Variants in VASH1 observed in about 807,000 individuals in gnomAD.
VASH1 encodes the protein vasohibin 1.
A neutral mutation model predicts 35.0 loss-of-function variants in VASH1; 16 were observed. The observed-to-expected ratio is 0.46, with a 90% CI of 0.31 to 0.70. VASH1 has a LOEUF of 0.70. VASH1 is among the 30% of genes least tolerant of loss of function. VASH1 has a pLI of 0.05. For missense variants in VASH1, 505 were observed against 510.7 expected (o/e 0.99, Z 0.11); for synonymous variants, 214 against 200.9 (o/e 1.07, Z -0.55).
chr14:76,776,371 G>A, intron 5 of VASH1, 98 bp downstream of exon 5: 1 of 1,413,422 alleles, frequency 7.1e-7, no homozygotes, highest in Non-Finnish European at 9.3e-7. Flanking sequence ...GCTTCTCAGG[G>A]GACTGGGGTG....
At position 76,763,009 on chromosome 14, in the gene VASH1, A is replaced by G. The variant is rs980518946; in HGVS notation, c.188A>G (p.Asn63Ser). The change falls in exon 1 of 7, where the codon AAC becomes AGC. Residue 63 changes from asparagine to serine, a missense_variant. Physicochemically the swap from Asn to Ser is conservative, Grantham distance 46 (BLOSUM62 1). Coordinates refer to ENST00000167106, the MANE Select transcript of VASH1 (RefSeq NM_014909.5). ...GACGGAGGCGTCCCCTTCTTTGTCA[A>G]CCGGGGTGGGCTACCTGTGGATGAG... ...LRDGGVPFFV[N>S]RGGLPVDEAT... 9 of 1,549,034 alleles carry G rather than the reference A, an allele frequency of 5.8e-6. No homozygotes were observed. Among genetic ancestry groups the G allele is most frequent in the East Asian group, 2.4e-5 (1 of 40,964 alleles).
Position 76,762,714 on chromosome 14 carries a change from A to G in VASH1, c.-108A>G, listed in dbSNP as rs763581233. The G allele has an allele frequency of 4.9e-6, 5 of 1,021,724 alleles. No individual in the cohort carries two copies. Among genetic ancestry groups the G allele is most frequent in the Non-Finnish European group, 6.7e-6 (5 of 744,148 alleles). The allele number at this position is 1,021,724 out of a possible 1,614,324, so 63.3% of individuals were successfully genotyped here. ...ACAGGAGCCACGCCCTGATTTCTTAAAGGCGCCTTGCACTCTGGCCATGTG... is the reference window on the plus strand; with the variant it reads ...ACAGGAGCCACGCCCTGATTTCTTAGAGGCGCCTTGCACTCTGGCCATGTG... On this transcript the variant is annotated 5_prime_UTR_variant, in exon 1 of 7. Coordinates refer to ENST00000167106, the MANE Select transcript of VASH1 (RefSeq NM_014909.5).
intron 5 of VASH1, among the ~76,000 whole-genome samples, chr14:76,777,398 A>G (rs1595279192): frequency 6.6e-6 from 1 of 152,286 alleles, no homozygotes; most frequent in South Asian, 2.1e-4. Context: ...TAGTGTTTAG[A>G]GCTGTGATGG....
chr14:76,769,277 T>C (rs1893726377), intron 1 of VASH1: 1 of 1,285,284 alleles, frequency 7.8e-7, no homozygotes, highest in African/African-American at 1.5e-5. Context: ...CCTGGAAACC[T>C]GTACTGACTA....
intron 5 of VASH1, 127 bp from the exon 6 acceptor site, chr14:76,777,832 A>AG: frequency 3.5e-6 from 2 of 576,680 alleles, no homozygotes; most frequent in South Asian, 3.4e-5. Context: ...CAGACAGGGA[A>AG]GAGCCATGCT....
At chr14:76,765,379 C>T (rs8017640) in intron 1 of VASH1, among the ~76,000 whole-genome samples, 67,616 of 152,012 alleles carry the variant, frequency 0.44, 16,082 homozygotes, top group South Asian at 0.57. Context: ...AAATTTGAAC[C>T]TCCCCCTCTT....
chr14:76,764,194 G>A (rs575533558), intron 1 of VASH1, among the ~76,000 whole-genome samples: 41 of 152,308 alleles, frequency 2.7e-4, no homozygotes, highest in African/African-American at 8.4e-4. Context: ...CAAGTGGCCC[G>A]TTTTGTTTTT....
intron 1 of VASH1, 46 bp downstream of exon 1, chr14:76,763,176 G>A (rs1893550654): frequency 1.0e-5 from 14 of 1,379,128 alleles, no homozygotes; most frequent in Non-Finnish European, 1.2e-5. Context: ...CTAGGTTTTA[G>A]TGACCTTGGG....
chr14:76,775,513 G>A (rs1021899579), intron 4 of VASH1, among the ~76,000 whole-genome samples: 47 of 152,278 alleles, frequency 3.1e-4, no homozygotes, highest in African/African-American at 1.1e-3. Flanking sequence ...TGTGGCCTGT[G>A]TGTGTGCCAA....
In VASH1 at chr14:76,779,062, G is replaced by A; in HGVS notation, c.*44G>A. On this transcript the variant is annotated 3_prime_UTR_variant, in exon 7 of 7. Coordinates refer to ENST00000167106, the MANE Select transcript of VASH1 (RefSeq NM_014909.5). ...AGGCCCCACCCACTCTTGGGGGCCA[G>A]GATCCACCTGCTGGAACCAGCCTTA... The A allele has an allele frequency of 6.2e-7, 1 of 1,602,874 alleles. No individual in the cohort carries two copies. Among genetic ancestry groups the A allele is most frequent in the Non-Finnish European group, 8.5e-7 (1 of 1,171,526 alleles).
intron 1 of VASH1, chr14:76,769,313 G>A (rs77124336): frequency 0.019 from 24,539 of 1,288,940 alleles, 295 homozygotes; most frequent in Non-Finnish European, 0.021. Flanking sequence ...GGAAAGAGAA[G>A]ACTTGGAGGA....
chr14:76,773,395 C>G (rs61992271), intron 4 of VASH1, 184 bp downstream of exon 4: 13 of 607,440 alleles, frequency 2.1e-5, no homozygotes, highest in Non-Finnish European at 3.7e-5. Flanking sequence ...GGAGGAGCCC[C>G]GAGGTCCCAG....
At chr14:76,767,617 C>T (rs1234884698) in intron 1 of VASH1, among the ~76,000 whole-genome samples, 1 of 152,136 alleles carries the variant, frequency 6.6e-6, no homozygotes, top group Non-Finnish European at 1.5e-5. Context: ...GAAATATTTC[C>T]CGACTCCTGT....
intron 1 of VASH1, chr14:76,769,494 C>T (rs1459454362): frequency 1.6e-6 from 2 of 1,288,236 alleles, no homozygotes; most frequent in East Asian, 1.1e-4. Flanking sequence ...ACCAAGGATG[C>T]TCACCCCCCT....
chr14:76,767,343 C>T (rs1893671390), intron 1 of VASH1, among the ~76,000 whole-genome samples: 1 of 152,146 alleles, frequency 6.6e-6, no homozygotes, highest in East Asian at 1.9e-4. Flanking sequence ...TAGTTGGAGA[C>T]TCAGCCCTAT....
chr14:76,779,289 G>A lies in VASH1; in HGVS notation c.*271G>A, dbSNP rs1175333117. 1.4e-6 allele frequency: 1 copy of A among 702,242 alleles called. No homozygotes were observed. The highest frequency in any genetic ancestry group is 2.0e-5 in the Admixed American group (1 of 50,000). 43.5% of individuals were successfully genotyped at this position (702,242 alleles called of 1,614,324 possible). On this transcript the variant is annotated 3_prime_UTR_variant, in exon 7 of 7. Coordinates refer to ENST00000167106, the MANE Select transcript of VASH1 (RefSeq NM_014909.5). ...ATTTGGGGAAAACTTAGTCCAAATG[G>A]ATCTGCTGATGGTGGGAAGGCCAGT...
intron 4 of VASH1, chr14:76,773,926 C>G (rs1893860386): frequency 6.6e-6 from 1 of 152,238 alleles, no homozygotes; most frequent in Non-Finnish European, 1.5e-5. Context: ...TCATGAACTC[C>G]TGTGCACCCG....
At position 76,763,024 on chromosome 14, in the gene VASH1, C is replaced by G. The variant is rs1893545250; in HGVS notation, c.203C>G (p.Pro68Arg). ...TTCTTTGTCAACCGGGGTGGGCTACCTGTGGATGAGGCCACCTGGGAAAGG... is the reference window on the plus strand; with the variant it reads ...TTCTTTGTCAACCGGGGTGGGCTACGTGTGGATGAGGCCACCTGGGAAAGG... Reference protein sequence around the residue: ...VPFFVNRGGLPVDEATWERMW... With the variant: ...VPFFVNRGGLRVDEATWERMW... Residue 68 changes from proline (P) to arginine (R), a missense_variant, in exon 1 of 7, where the codon CCT (proline) becomes CGT (arginine). Physicochemically the swap from Pro to Arg is moderately radical, Grantham distance 103. Transcript: ENST00000167106. The G allele has an allele frequency of 2.6e-6, 4 of 1,549,152 alleles. No homozygotes were observed. Among genetic ancestry groups the G allele is most frequent in the Non-Finnish European group, 3.5e-6 (4 of 1,146,060 alleles).
chr14:76,778,183 T>C (rs1595280188), intron 6 of VASH1, 112 bp downstream of exon 6: 4 of 806,260 alleles, frequency 5.0e-6, no homozygotes, highest in East Asian at 3.4e-5. Flanking sequence ...TCTTTTTCGC[T>C]CCCACCCAAG....
Sources: allele counts gnomAD v4.1 joint callset (sites outside exome capture counted in the v4.1 genomes callset), GRCh38; gene constraint gnomAD v4.1.1; transcripts MANE v1.5; gene names NCBI Gene and HGNC (gene_info 2026-07-23, HGNC 2026-07-21).